THNSL1: variants seen among roughly 807,000 people sequenced by gnomAD.
The protein encoded by THNSL1 is threonine synthase like 1, also known as threonine synthase-like 1.
In THNSL1, 48 loss-of-function variants were observed where a neutral mutation model predicts 50.4. The ratio of observed to expected loss-of-function variants is 0.95; its 90% CI spans 0.76 to 1.21. The LOEUF is 1.21. Ranked by LOEUF, THNSL1 falls within the 50% of genes most tolerant of loss-of-function variation. The probability of loss-of-function intolerance (pLI) is 0.00; values close to 1 mark genes in which losing one functional copy is unlikely to be tolerated. For missense variants in THNSL1, 896 were observed against 871.7 expected (o/e 1.03, Z -0.35); for synonymous variants, 309 against 306.1 (o/e 1.01, Z -0.10).
chr10:25,023,024 CT>C lies in THNSL1; in HGVS notation c.-48-145del, dbSNP rs569340704. On this transcript the variant is annotated intron_variant, in intron 2 of 2. Coordinates refer to ENST00000376356, the MANE Select transcript of THNSL1 (RefSeq NM_024838.5). Reference sequence around the variant, plus strand: ...ATATATAAGAATTTGGGTTGGAATACTTTTTTTAATTCCATAAGTTTGGAAG... The same window carrying C: ...ATATATAAGAATTTGGGTTGGAATACTTTTTTAATTCCATAAGTTTGGAAG... Among the ~76,000 whole-genome samples, 366 of 152,172 alleles carry C rather than the reference CT, an allele frequency of 2.4e-3. 4 individuals carry two copies. Among genetic ancestry groups the C allele is most frequent in the African/African-American group, 7.6e-3 (314 of 41,532 alleles).
At chr10:24,992,742 T>G in the THNSL1 span, among the ~76,000 whole-genome samples, 1 of 152,204 alleles carries the variant, frequency 6.6e-6, no homozygotes, top group Non-Finnish European at 1.5e-5. Context: ...GTCATCACAG[T>G]GTAACTTAAC....
At chr10:24,996,186 G>T in the THNSL1 span, among the ~76,000 whole-genome samples, 5 of 152,162 alleles carry the variant, frequency 3.3e-5, no homozygotes, top group Non-Finnish European at 5.9e-5. Flanking sequence ...GGTGGCCCAC[G>T]GTGACGTGGG....
chr10:25,019,673 A>G (rs1850678967), intron 1 of THNSL1, among the ~76,000 whole-genome samples: 1 of 152,226 alleles, frequency 6.6e-6, no homozygotes, highest in African/African-American at 2.4e-5. Flanking sequence ...GCACATCTGC[A>G]GATTTTTCTC....
chr10:25,002,062 C>G, the THNSL1 span, among the ~76,000 whole-genome samples: 1 of 152,038 alleles, frequency 6.6e-6, no homozygotes, highest in Non-Finnish European at 1.5e-5. Flanking sequence ...CATTTTAAGG[C>G]TTGCTTTAAG....
At chr10:25,019,124 C>T (rs1222541396) in intron 1 of THNSL1, among the ~76,000 whole-genome samples, 1 of 152,160 alleles carries the variant, frequency 6.6e-6, no homozygotes, top group African/African-American at 2.4e-5. Flanking sequence ...ACAGTTAGTT[C>T]TCCATATCTG....
upstream of THNSL1, chr10:25,015,795 T>A: frequency 7.1e-7 from 1 of 1,403,670 alleles, no homozygotes; most frequent in Non-Finnish European, 9.6e-7. Context: ...AGTATATGTA[T>A]GCTTAATTAA....
chr10:24,997,056 G>A, the THNSL1 span, among the ~76,000 whole-genome samples: 1 of 152,078 alleles, frequency 6.6e-6, no homozygotes, highest in Non-Finnish European at 1.5e-5. Flanking sequence ...TGCTTTAGAA[G>A]AAACCAACCC....
the THNSL1 span, among the ~76,000 whole-genome samples, chr10:25,010,949 G>T: frequency 6.6e-6 from 1 of 151,498 alleles, no homozygotes; most frequent in Non-Finnish European, 1.5e-5. Flanking sequence ...TGGTCCTTTG[G>T]GTATATACCC....
At chr10:24,985,460 A>G in the THNSL1 span, among the ~76,000 whole-genome samples, 1 of 152,224 alleles carries the variant, frequency 6.6e-6, no homozygotes, top group Non-Finnish European at 1.5e-5. Context: ...AATATATTAG[A>G]AAGAACCAAT....
At chr10:24,991,520 C>T in the THNSL1 span, among the ~76,000 whole-genome samples, 459 of 152,058 alleles carry the variant, frequency 3.0e-3, 8 homozygotes, top group African/African-American at 0.01. Flanking sequence ...AAGAGCACAC[C>T]AATGGGCACC....
At chr10:24,961,670 G>A in the THNSL1 span, among the ~76,000 whole-genome samples, 1 of 150,276 alleles carries the variant, frequency 6.7e-6, no homozygotes, top group Non-Finnish European at 1.5e-5. Context: ...CGTAGTAATT[G>A]GAACTAATAA....
chr10:24,971,059 G>A, the THNSL1 span, among the ~76,000 whole-genome samples: 1 of 151,872 alleles, frequency 6.6e-6, no homozygotes, highest in Admixed American at 6.6e-5. Flanking sequence ...GCCAAACTAC[G>A]TGTTTACTAA....
chr10:25,010,658 T>G, the THNSL1 span, among the ~76,000 whole-genome samples: 6 of 146,880 alleles, frequency 4.1e-5, no homozygotes, highest in Non-Finnish European at 7.5e-5. Context: ...TGTGTTCTCA[T>G]TGTTCAATTC....
chr10:24,991,565 G>A, the THNSL1 span, among the ~76,000 whole-genome samples: 3 of 152,112 alleles, frequency 2.0e-5, no homozygotes, highest in East Asian at 1.9e-4. Flanking sequence ...GTGGAACAAC[G>A]CAGAGTTTGG....
chr10:25,023,383 G>A lies in THNSL1; in HGVS notation c.160G>A (p.Gly54Arg). Residue 54 changes from glycine to arginine, a missense_variant, in exon 3 of 3, where the codon GGA becomes AGA. Coordinates refer to ENST00000376356, the MANE Select transcript of THNSL1 (RefSeq NM_024838.5). The part of the protein sequence containing the change: ...KSWYSTHSLV[G>R]DKNIILMGPP... ...ATGGTATTCAACCCACTCTCTTGTTGGAGACAAAAATATTATCCTGATGGG... is the reference window on the plus strand; with the variant it reads ...ATGGTATTCAACCCACTCTCTTGTTAGAGACAAAAATATTATCCTGATGGG... The A allele has an allele frequency of 6.2e-7, 1 of 1,614,086 alleles. No individual in the cohort carries two copies. Among genetic ancestry groups the A allele is most frequent in the African/African-American group, 1.3e-5 (1 of 75,026 alleles).
At position 25,023,456 on chromosome 10, in the gene THNSL1, A is replaced by T; in HGVS notation, c.233A>T (p.Lys78Ile). 3 of 1,614,142 alleles carry T rather than the reference A, an allele frequency of 1.9e-6. No homozygotes were observed. Among genetic ancestry groups the T allele is most frequent in the Non-Finnish European group, 2.5e-6 (3 of 1,179,994 alleles). The change falls in exon 3 of 3, where the codon AAA becomes ATA. Residue 78 changes from lysine to isoleucine, a missense_variant. Lys to Ile is a moderately radical substitution (Grantham distance 102). Transcript: ENST00000376356. ...KTTVGRIIGQ[K>I]LGCCVIDVDD... Reference sequence around the variant, plus strand: ...ACAGTAGGCAGAATAATAGGTCAGAAACTAGGTTGTTGTGTCATAGATGTG... The same window carrying T: ...ACAGTAGGCAGAATAATAGGTCAGATACTAGGTTGTTGTGTCATAGATGTG...
the THNSL1 span, chr10:24,982,473 A>C: frequency 1.3e-5 from 2 of 152,250 alleles, no homozygotes; most frequent in Non-Finnish European, 2.9e-5. Context: ...GAACAGGAAG[A>C]GAAACCAAGT....
the THNSL1 span, chr10:24,995,703 A>G: frequency 1.2e-6 from 2 of 1,614,062 alleles, no homozygotes; most frequent in Non-Finnish European, 1.7e-6. Context: ...GCTTGTCTCC[A>G]GTTCTTTTAT....
At chr10:25,015,239 T>A (rs1203860879), upstream of THNSL1, among the ~76,000 whole-genome samples, 3 of 152,186 alleles carry the variant, frequency 2.0e-5, no homozygotes, top group Non-Finnish European at 4.4e-5. Flanking sequence ...TATGTAAAAT[T>A]TCAACTCAAT....
Sources: allele counts gnomAD v4.1 joint callset (sites outside exome capture counted in the v4.1 genomes callset), GRCh38; gene constraint gnomAD v4.1.1; transcripts MANE v1.5; gene names NCBI Gene and HGNC (gene_info 2026-07-23, HGNC 2026-07-21).